The following MTERF4 variants were observed in gnomAD, a reference collection of about 807,000 sequenced individuals.
The protein encoded by MTERF4 is transcription termination factor 4, mitochondrial.
A neutral mutation model predicts 22.5 loss-of-function variants in MTERF4; 17 were observed. The observed-to-expected ratio is 0.75, with a 90% CI of 0.52 to 1.13. The LOEUF is 1.13. MTERF4 is among the 50% of genes most tolerant of loss of function. The pLI is 0.00. For synonymous variants in MTERF4, 165 were observed against 175.3 expected, an observed-to-expected ratio of 0.94 and a Z score of 0.47; for missense variants, 420 against 466.8, an observed-to-expected ratio of 0.90 and a Z score of 0.92.
chr2:241,046,897 C>T, the MTERF4 span, among the ~76,000 whole-genome samples: 1 of 152,294 alleles, frequency 6.6e-6, no homozygotes, highest in African/African-American at 2.4e-5. Context: ...GTAATCCCAG[C>T]ACTTTGGGAG....
rs144051198 is a variant in MTERF4 at position 241,076,000 on chromosome 2, G to A, written n.480-318C>T. ...CATATAAAAGTAGAATTCTGGCGGC[G>A]TCAATTTGATACATCTGTGCCAATA... is the stretch of plus-strand genomic sequence containing the variant. On this transcript the variant is annotated intron_variant and non_coding_transcript_variant, in intron 4 of 4. Transcript: ENST00000464344. This position sits in a 1 kb window ranked among gnomAD's most constrained non-coding sequence, Gnocchi z 4.8. 3.3e-5 allele frequency among the ~76,000 whole-genome samples: 5 copies of A among 152,224 alleles called. No individual in the cohort carries two copies. The highest frequency in any genetic ancestry group is 1.9e-4 in the East Asian group (1 of 5,184).
At chr2:241,082,105 C>A (rs2063355910), downstream of MTERF4, among the ~76,000 whole-genome samples, 1 of 152,174 alleles carries the variant, frequency 6.6e-6, no homozygotes, top group South Asian at 2.1e-4. Flanking sequence ...TACCAACCCA[C>A]CCCGGCCTTA....
chr2:241,067,382 G>A (rs2062500508), downstream of MTERF4, among the ~76,000 whole-genome samples: 1 of 152,204 alleles, frequency 6.6e-6, no homozygotes, highest in Non-Finnish European at 1.5e-5. Context: ...GCCCGGATGT[G>A]TGCTCTTAGA....
downstream of MTERF4, chr2:241,082,214 C>G: frequency 7.1e-7 from 1 of 1,401,626 alleles, no homozygotes. Context: ...GGCAAGGCCT[C>G]TCAAGAGGGG....
Position 241,096,751 on chromosome 2 carries a change from A to C in MTERF4, c.706-313T>G. 1.8e-6 allele frequency: 1 copy of C among 568,590 alleles called. No homozygotes were observed. 35.2% of individuals were successfully genotyped at this position (568,590 alleles called of 1,614,324 possible). A position where few individuals can be genotyped will look rare whatever the true frequency, so the allele number is the denominator to read the frequency against. ...AAGGAAAAGGATGAATATGGAAAGA[A>C]TAGGCAAAACATTCAGAAAACATCT... On this transcript the variant is annotated intron_variant, in intron 3 of 3. Coordinates refer to ENST00000391980, the MANE Select transcript of MTERF4 (RefSeq NM_182501.4). The surrounding 1 kb of genome is among the most constrained non-coding windows in gnomAD (Gnocchi z 5.1).
the MTERF4 span, among the ~76,000 whole-genome samples, chr2:241,053,785 C>G: frequency 6.6e-6 from 1 of 152,212 alleles, no homozygotes; most frequent in Non-Finnish European, 1.5e-5. Flanking sequence ...GAGGTCCCAC[C>G]CCTGTCTGGC....
chr2:241,089,213 G>A (rs945846762), downstream of MTERF4: 3 of 1,320,564 alleles, frequency 2.3e-6, no homozygotes, highest in Admixed American at 5.4e-5. Flanking sequence ...ACATGTCACT[G>A]CATGAAAGAT....
chr2:241,087,307 A>C, downstream of MTERF4: 2 of 1,291,588 alleles, frequency 1.5e-6, no homozygotes, highest in South Asian at 3.0e-5. Context: ...CTTCAGGTTT[A>C]CTGTGGGTTC....
chr2:241,068,272 C>T (rs2062547451), downstream of MTERF4, among the ~76,000 whole-genome samples: 1 of 151,910 alleles, frequency 6.6e-6, no homozygotes, highest in South Asian at 2.1e-4. This position sits in a 1 kb window ranked among gnomAD's most constrained non-coding sequence, Gnocchi z 5.3. Flanking sequence ...AGAGCAGCGG[C>T]CAGCGAGGGT....
the MTERF4 span, chr2:241,048,385 C>T: frequency 3.7e-6 from 6 of 1,611,854 alleles, no homozygotes; most frequent in South Asian, 5.5e-5. Context: ...TGGATGCGGA[C>T]CAGGGCTACG....
At chr2:241,061,133 G>A in the MTERF4 span, among the ~76,000 whole-genome samples, 1 of 151,606 alleles carries the variant, frequency 6.6e-6, no homozygotes, top group African/African-American at 2.4e-5. Flanking sequence ...TGGGAGAAGA[G>A]ATAAATAGTC....
chr2:241,081,869 T>A, intron 4 of MTERF4: 1 of 1,164,916 alleles, frequency 8.6e-7, no homozygotes, highest in Non-Finnish European at 1.3e-6. Flanking sequence ...GGGCCACAGC[T>A]GGGTTTGCCA....
rs2062955169 is a variant in MTERF4 at position 241,075,062 on chromosome 2, T to C, written n.1100A>G. On this transcript the variant is annotated non_coding_transcript_exon_variant, in exon 5 of 5. Transcript: ENST00000464344. The surrounding 1 kb of genome is among the most constrained non-coding windows in gnomAD (Gnocchi z 4.8). ...TTCACTCCGCATTCTCGGACTGAGG[T>C]TGGCCCATGCGGTCTGGGCGGCTGC... is the stretch of plus-strand genomic sequence containing the variant. 1 of 152,244 alleles carries C rather than the reference T, an allele frequency of 6.6e-6. No homozygotes were observed. The highest frequency in any genetic ancestry group is 2.1e-4 in the South Asian group (1 of 4,834). The allele number at this position is 152,244 out of a possible 1,614,324, so 9.4% of individuals were successfully genotyped here.
the MTERF4 span, chr2:241,053,345 G>C: frequency 6.5e-7 from 1 of 1,548,312 alleles, no homozygotes; most frequent in Non-Finnish European, 8.7e-7. Context: ...GTGGGCCCTT[G>C]GGGTGGGGCA....
At chr2:241,046,566 A>G in the MTERF4 span, among the ~76,000 whole-genome samples, 2 of 152,320 alleles carry the variant, frequency 1.3e-5, no homozygotes, top group Admixed American at 1.3e-4. Flanking sequence ...TATATCCTGT[A>G]TGGTTCCACT....
intron 4 of MTERF4, among the ~76,000 whole-genome samples, chr2:241,078,767 C>T (rs886874244): frequency 6.6e-6 from 1 of 151,772 alleles, no homozygotes; most frequent in Non-Finnish European, 1.5e-5. Context: ...AAATTGTACA[C>T]TTTGGGTGAA....
chr2:241,100,433 T>A (rs2064649842), intron 1 of MTERF4, among the ~76,000 whole-genome samples: 1 of 152,190 alleles, frequency 6.6e-6, no homozygotes. Context: ...TACTTCCTCT[T>A]AATGAATAGT....
chr2:241,049,987 G>T, the MTERF4 span: 1 of 1,318,462 alleles, frequency 7.6e-7, no homozygotes. Flanking sequence ...GAGCGCCCGC[G>T]GTCCGCCGTC....
At position 241,095,767 on chromosome 2, in the gene MTERF4, GACAGGGCCCT is replaced by G; in HGVS notation, c.*221_*230del. On this transcript the variant is annotated 3_prime_UTR_variant, in exon 4 of 4. Transcript: ENST00000391980. ...AACATAAGTATCTTATTCAGGATGG[GACAGGGCCCT>G]CCCCACAGACACGTGACAACAGATC... 1 of 667,470 alleles carries G rather than the reference GACAGGGCCCT, an allele frequency of 1.5e-6. No individual in the cohort carries two copies. Among genetic ancestry groups the G allele is most frequent in the Non-Finnish European group, 2.5e-6 (1 of 401,862 alleles). 41.3% of individuals were successfully genotyped at this position (667,470 alleles called of 1,614,324 possible). A position where few individuals can be genotyped will look rare whatever the true frequency, so the allele number is the denominator to read the frequency against.
Sources: gnomAD v4.1 joint callset for allele counts (sites outside exome capture counted in the v4.1 genomes callset) on GRCh38, gnomAD v4.1.1 for gene constraint, Gnocchi (gnomAD v3.1) non-coding constraint, MANE v1.5 for transcripts, NCBI Gene and HGNC (gene_info 2026-07-23, HGNC 2026-07-21) for gene names.